Variants in ZMYM2 observed in about 807,000 individuals in gnomAD.
ZMYM2 encodes zinc finger MYM-type protein 2.
In ZMYM2, 56 loss-of-function variants were observed where a neutral mutation model predicts 162.8. The observed-to-expected ratio is 0.34, with a 90% confidence interval of 0.28 to 0.43. The LOEUF (loss-of-function observed/expected upper bound fraction) is 0.43. Ranked by LOEUF, ZMYM2 falls within the 20% of genes least tolerant of loss-of-function variation. ZMYM2 has a pLI of 1.00. For synonymous variants in ZMYM2, 510 were observed against 541.6 expected, an observed-to-expected ratio of 0.94 and a Z score of 0.81; for missense variants, 1,275 against 1,621.8, an observed-to-expected ratio of 0.79 and a Z score of 3.67.
Position 20,084,814 on chromosome 13 carries a change from T to G in ZMYM2, c.3942-1008T>G, listed in dbSNP as rs962976096. Among the ~76,000 whole-genome samples, 5 of 152,224 alleles carry G rather than the reference T, an allele frequency of 3.3e-5. No individual in the cohort carries two copies. The East Asian group carries it at 9.6e-4, about 29-fold the overall frequency. On this transcript the variant is annotated intron_variant, in intron 24 of 24. Transcript: ENST00000610343. ...AGCATGAATTCAAAATGTACTTCCC[T>G]GTTTAAACAAATTTATAAATCACAG...
At chr13:19,883,471 G>C in the ZMYM2 span, among the ~76,000 whole-genome samples, 2 of 152,124 alleles carry the variant, frequency 1.3e-5, no homozygotes, top group Admixed American at 6.6e-5. Context: ...ATCTGACAGA[G>C]AATTAGACAA....
At chr13:20,019,839 A>T (rs987188239) in intron 7 of ZMYM2, 1 of 487,228 alleles carries the variant, frequency 2.1e-6, no homozygotes, top group Admixed American at 3.5e-5. Context: ...GTCTTTAGTT[A>T]TTTATGTTCT....
the ZMYM2 span, among the ~76,000 whole-genome samples, chr13:19,885,429 A>G: frequency 2.0e-5 from 3 of 152,170 alleles, no homozygotes; most frequent in South Asian, 2.1e-4. Context: ...TCTAGTGTGC[A>G]TTATTTTTCT....
intron 2 of ZMYM2, among the ~76,000 whole-genome samples, chr13:19,974,576 A>G (rs1453530774): frequency 6.6e-6 from 1 of 151,596 alleles, no homozygotes; most frequent in Non-Finnish European, 1.5e-5. Flanking sequence ...GGTTCAAGCA[A>G]TTCTCCTGCC....
chr13:20,035,491 A>T (rs556565902), intron 11 of ZMYM2, among the ~76,000 whole-genome samples: 1 of 152,326 alleles, frequency 6.6e-6, no homozygotes, highest in African/African-American at 2.4e-5. Flanking sequence ...ATTGATTCTG[A>T]ATTAGTCTTT....
chr13:20,062,994 T>C (rs1439745746), intron 18 of ZMYM2, 23 bp downstream of exon 18: 21 of 1,583,818 alleles, frequency 1.3e-5, no homozygotes, highest in Non-Finnish European at 1.8e-5. Context: ...TTTATGACTA[T>C]GGAATTTAGT....
At chr13:19,910,867 A>G in the ZMYM2 span, among the ~76,000 whole-genome samples, 1 of 152,062 alleles carries the variant, frequency 6.6e-6, no homozygotes, top group African/African-American at 2.4e-5. Flanking sequence ...CAAGTAGTCT[A>G]ACTCTGGGAG....
At chr13:19,963,059 G>A (rs1207736433) in intron 2 of ZMYM2, among the ~76,000 whole-genome samples, 1 of 151,896 alleles carries the variant, frequency 6.6e-6, no homozygotes, top group Non-Finnish European at 1.5e-5. Context: ...GACTGGTCTC[G>A]AACTCCTGAG....
chr13:19,892,907 G>T, the ZMYM2 span, among the ~76,000 whole-genome samples: 1 of 150,948 alleles, frequency 6.6e-6, no homozygotes, highest in Non-Finnish European at 1.5e-5. Flanking sequence ...TAGAGACGGG[G>T]TTTCACCATG....
intron 7 of ZMYM2, among the ~76,000 whole-genome samples, chr13:20,022,474 A>G (rs1348850842): frequency 2.0e-5 from 3 of 152,304 alleles, no homozygotes; most frequent in Admixed American, 6.5e-5. Flanking sequence ...TCTCCAGGGT[A>G]AAGTTGCTAT....
In ZMYM2 at chr13:20,067,389, A is replaced by T; in HGVS notation, c.3452A>T (p.Glu1151Val). 6.3e-7 allele frequency: 1 copy of T among 1,597,512 alleles called. No homozygotes were observed. Among genetic ancestry groups the T allele is most frequent in the Non-Finnish European group, 8.6e-7 (1 of 1,169,508 alleles). The change falls in exon 21 of 25, where the codon GAG (glutamate) becomes GTG (valine). Residue 1151 changes from glutamate (E) to valine (V), a missense_variant and splice_region_variant. By Grantham distance (121) the Glu-to-Val change is moderately radical. Around this residue, in one of 10 missense-constraint regions of ZMYM2, gnomAD observed 103 missense variants for 192.2 expected, o/e 0.54. Transcript: ENST00000610343. The stretch of plus-strand genomic sequence containing the variant: ...TATTACCTTTGCCTTGGAATACAGG[A>T]GGTTAGTAATTTGATGGCTGCTTTC... Reference protein sequence around the residue: ...SIYYLCLGIQEYLCGSNRKDN... With the variant: ...SIYYLCLGIQVYLCGSNRKDN...
chr13:19,965,827 G>A (rs866262571), intron 2 of ZMYM2, among the ~76,000 whole-genome samples: 30 of 137,258 alleles, frequency 2.2e-4, no homozygotes, highest in Middle Eastern at 4.5e-3. Context: ...AGACCAGAGT[G>A]CAATGGCATG....
chr13:20,015,442 A>G (rs1054847645), intron 6 of ZMYM2, among the ~76,000 whole-genome samples: 2 of 152,228 alleles, frequency 1.3e-5, no homozygotes, highest in African/African-American at 2.4e-5. Context: ...GTTGGCAAGA[A>G]TACTCAATAT....
At chr13:19,962,841 T>G (rs1019621403) in intron 2 of ZMYM2, among the ~76,000 whole-genome samples, 1 of 146,662 alleles carries the variant, frequency 6.8e-6, no homozygotes, top group African/African-American at 2.5e-5. Flanking sequence ...TTTTTTTTTT[T>G]TTGAGACAGA....
chr13:19,919,685 T>A, the ZMYM2 span, among the ~76,000 whole-genome samples: 4,290 of 151,578 alleles, frequency 0.028, 213 homozygotes, highest in African/African-American at 0.09. Flanking sequence ...TTTTTCTTTT[T>A]TTTTTTTTTG....
chr13:20,082,121 C>A lies in ZMYM2; in HGVS notation c.3559C>A (p.Leu1187Ile). ...ACTGCGAAGCTGGCAACCAAGCATA[C>A]TTCCAGATGGTAATGCTATTTTCAC... ...KILRSWQPSILPDGSIFSRVE... is the reference protein window; with the variant it reads ...KILRSWQPSIIPDGSIFSRVE... Residue 1187 changes from leucine (L) to isoleucine (I), a missense_variant, in exon 22 of 25, where the codon CTT becomes ATT. Around this residue, in one of 10 missense-constraint regions of ZMYM2, gnomAD observed 103 missense variants for 192.2 expected, o/e 0.54. Coordinates refer to ENST00000610343, the MANE Select transcript of ZMYM2 (RefSeq NM_197968.4). 1 of 1,600,076 alleles carries A rather than the reference C, an allele frequency of 6.2e-7. No homozygotes were observed. The highest frequency in any genetic ancestry group is 8.5e-7 in the Non-Finnish European group (1 of 1,174,158).
the ZMYM2 span, among the ~76,000 whole-genome samples, chr13:19,879,267 A>G: frequency 2.0e-5 from 3 of 152,110 alleles, no homozygotes; most frequent in East Asian, 3.9e-4. Flanking sequence ...TTTGAATGGT[A>G]TAGTACTCTT....
upstream of ZMYM2, among the ~76,000 whole-genome samples, chr13:19,957,900 C>A (rs796779100): frequency 6.6e-6 from 1 of 152,236 alleles, no homozygotes; most frequent in Non-Finnish European, 1.5e-5. Context: ...CCTGTGGCCC[C>A]GCGGACGCAG....
chr13:19,971,244 G>GTGTGTGTA (rs5802035), intron 2 of ZMYM2, among the ~76,000 whole-genome samples: 7 of 50,134 alleles, frequency 1.4e-4, no homozygotes, highest in Admixed American at 2.9e-4. Context: ...GTGTGTGTGT[G>GTGTGTGTA]TATATATATA....
Sources: gnomAD v4.1 joint callset for allele counts (sites outside exome capture counted in the v4.1 genomes callset) on GRCh38, gnomAD v4.1.1 for gene constraint, gnomAD v4.1.1 regional missense constraint, MANE v1.5 for transcripts, NCBI Gene and HGNC (gene_info 2026-07-23, HGNC 2026-07-21) for gene names.